The following CHST12 variants were observed in gnomAD, a reference collection of about 807,000 sequenced individuals.
CHST12 encodes carbohydrate (chondroitin 4) sulfotransferase 12.
In CHST12, 23 loss-of-function variants were observed where a neutral mutation model predicts 27.9. The ratio of observed to expected loss-of-function variants is 0.82; its 90% confidence interval spans 0.59 to 1.17. The LOEUF (loss-of-function observed/expected upper bound fraction) is 1.17. Among genes scored for constraint, CHST12 ranks in the 50% most tolerant of loss-of-function variants. The pLI is 0.00. For synonymous variants in CHST12, 322 were observed against 273.0 expected, an observed-to-expected ratio of 1.18 and a Z score of -1.77; for missense variants, 682 against 603.0, an observed-to-expected ratio of 1.13 and a Z score of -1.37.
rs1781556173 is a variant in CHST12 at position 2,407,560 on chromosome 7, G to GCT, written c.-78+3889_-78+3890dup. On this transcript the variant is annotated intron_variant, in intron 1 of 1. Transcript: ENST00000618655. ...AACCCAAACTTTCTGGGTTAAAGAG[G>GCT]CTCACCCAGTGGCCAGTACCACGGG... 3.3e-5 allele frequency among the ~76,000 whole-genome samples: 5 copies of GCT among 152,254 alleles called. No homozygotes were observed. In the South Asian group the frequency reaches 8.3e-4, roughly 25 times the overall value.
intron 1 of CHST12, among the ~76,000 whole-genome samples, chr7:2,421,098 C>A (rs184982790): frequency 8.5e-4 from 129 of 151,992 alleles, no homozygotes; most frequent in African/African-American, 2.6e-3. Flanking sequence ...CACTCTGTTC[C>A]CCAGGCTGGA....
intron 1 of CHST12, among the ~76,000 whole-genome samples, chr7:2,419,644 T>C (rs1035073863): frequency 2.7e-5 from 4 of 150,884 alleles, no homozygotes; most frequent in African/African-American, 9.8e-5. Context: ...GAAGCAGAGG[T>C]TGCAGTGAGC....
In CHST12 at chr7:2,433,615, T is replaced by C; in HGVS notation, c.976T>C (p.Tyr326His). Reference protein sequence around the residue: ...APFNEHWRQVYRLCHPCQIDY... With the variant: ...APFNEHWRQVHRLCHPCQIDY... The stretch of plus-strand genomic sequence containing the variant: ...CTTCAACGAGCACTGGCGGCAGGTG[T>C]ACCGCCTCTGCCACCCGTGCCAGAT... Residue 326 changes from tyrosine (Y) to histidine (H), a missense_variant, in exon 2 of 2, where the codon TAC becomes CAC. Transcript: ENST00000618655. The surrounding 1 kb of genome is among the most constrained non-coding windows in gnomAD (Gnocchi z 6.1). 6.2e-7 allele frequency: 1 copy of C among 1,613,320 alleles called. No homozygotes were observed. The highest frequency in any genetic ancestry group is 8.5e-7 in the Non-Finnish European group (1 of 1,179,956).
chr7:2,428,287 C>T (rs748500412), intron 1 of CHST12, among the ~76,000 whole-genome samples: 1 of 151,216 alleles, frequency 6.6e-6, no homozygotes, highest in African/African-American at 2.4e-5. Flanking sequence ...CTCTGCCTCT[C>T]GGGTTCAAGT....
At position 2,432,603 on chromosome 7, in the gene CHST12, G is replaced by A. The variant is rs1250155761; in HGVS notation, c.-37G>A. 1.9e-6 allele frequency: 3 copies of A among 1,574,100 alleles called. No homozygotes were observed. The highest frequency in any genetic ancestry group is 1.4e-5 in the African/African-American group (1 of 74,030). On this transcript the variant is annotated 5_prime_UTR_variant, in exon 2 of 2. The change abolishes the stop of an existing upstream ORF in the 5' untranslated region. Coordinates refer to ENST00000618655, the MANE Select transcript of CHST12 (RefSeq NM_018641.5). ...CCCCGGCTCTGCAGGAAGCTGAAGT[G>A]AGAGGCCCGGAGAGGGCCCAGCCCG...
chr7:2,415,282 C>G (rs1206876444), intron 1 of CHST12, among the ~76,000 whole-genome samples: 2 of 151,908 alleles, frequency 1.3e-5, no homozygotes, highest in Non-Finnish European at 2.9e-5. Flanking sequence ...AGGAGGATCA[C>G]CTGAACCCCA....
At chr7:2,425,939 A>G (rs891561253) in intron 1 of CHST12, among the ~76,000 whole-genome samples, 1 of 152,052 alleles carries the variant, frequency 6.6e-6, no homozygotes, top group Non-Finnish European at 1.5e-5. Context: ...GCCAGGGGTC[A>G]GGGGTTAGAC....
chr7:2,422,537 G>T (rs188240593), intron 1 of CHST12, among the ~76,000 whole-genome samples: 6 of 151,286 alleles, frequency 4.0e-5, no homozygotes, highest in African/African-American at 1.5e-4. Context: ...GAGCCACTGC[G>T]CCCTGCCTCT....
rs17151773 is a variant in CHST12, at chr7:2,434,252, T to G, written c.*368T>G. 1 of 189,814 alleles carries G rather than the reference T, an allele frequency of 5.3e-6. No individual in the cohort carries two copies. The highest frequency in any genetic ancestry group is 5.6e-5 in the Admixed American group (1 of 17,912). 11.8% of individuals were successfully genotyped at this position (189,814 alleles called of 1,614,324 possible). ...AGGAGGGCGGGGCCTGCACTTGAAG[T>G]CAGGCCGCACCTGTCTGTTTTTGGA... On this transcript the variant is annotated 3_prime_UTR_variant, in exon 2 of 2. Transcript: ENST00000618655.
rs1583228427 is a variant in CHST12, at chr7:2,433,712, T to G, written c.1073T>G (p.Val358Gly). ...DAAQLLQLLQ[V>G]DRQLRFPPSY... ...GCGCAGCTGCTGCAGCTACTCCAGG[T>G]GGACCGGCAGCTCCGCTTCCCCCCG... The change falls in exon 2 of 2, where the codon GTG (valine) becomes GGG (glycine). Residue 358 changes from valine to glycine, a missense_variant. Coordinates refer to ENST00000618655, the MANE Select transcript of CHST12 (RefSeq NM_018641.5). This position sits in a 1 kb window ranked among gnomAD's most constrained non-coding sequence, Gnocchi z 6.1. 1 of 1,613,630 alleles carries G rather than the reference T, an allele frequency of 6.2e-7. No individual in the cohort carries two copies. The highest frequency in any genetic ancestry group is 8.5e-7 in the Non-Finnish European group (1 of 1,179,918).
chr7:2,428,534 G>A (rs373719003), intron 1 of CHST12, among the ~76,000 whole-genome samples: 35 of 152,278 alleles, frequency 2.3e-4, no homozygotes, highest in African/African-American at 7.0e-4. Flanking sequence ...CTGCGATGCC[G>A]CCAATGCACT....
Position 2,434,126 on chromosome 7 carries a change from T to TCGCCGGCC in CHST12, c.*246_*247insGGCCCGCC, listed in dbSNP as rs1782403847. 3.1e-6 allele frequency: 1 copy of TCGCCGGCC among 318,056 alleles called. No individual in the cohort carries two copies. Among genetic ancestry groups the TCGCCGGCC allele is most frequent in the African/African-American group, 2.4e-5 (1 of 40,906 alleles). 19.7% of individuals were successfully genotyped at this position (318,056 alleles called of 1,614,324 possible). A position where few individuals can be genotyped will look rare whatever the true frequency, so the allele number is the denominator to read the frequency against. ...TCCGCCCGCCCACCCGCCCGCCCGC[T>TCGCCGGCC]CGCCCGCTCGCCCGCTCCTGTGGTT... On this transcript the variant is annotated 3_prime_UTR_variant, in exon 2 of 2. Coordinates refer to ENST00000618655, the MANE Select transcript of CHST12 (RefSeq NM_018641.5).
At chr7:2,420,735 T>C (rs1781951790) in intron 1 of CHST12, among the ~76,000 whole-genome samples, 1 of 152,154 alleles carries the variant, frequency 6.6e-6, no homozygotes, top group African/African-American at 2.4e-5. Flanking sequence ...CAGTGAGGTT[T>C]GATGGCACCA....
In CHST12 at chr7:2,433,306, T is replaced by A; in HGVS notation, c.667T>A (p.Tyr223Asn). The change falls in exon 2 of 2, where the codon TAC (tyrosine) becomes AAC (asparagine). Residue 223 changes from tyrosine to asparagine, a missense_variant. Coordinates refer to ENST00000618655, the MANE Select transcript of CHST12 (RefSeq NM_018641.5). This position sits in a 1 kb window ranked among gnomAD's most constrained non-coding sequence, Gnocchi z 6.1. Reference sequence around the variant, plus strand: ...GACCTTCAACAAGTTCTGGCGCCGCTACGGGAAGCTCTCCCGCCACCTCAT... The same window carrying A: ...GACCTTCAACAAGTTCTGGCGCCGCAACGGGAAGCTCTCCCGCCACCTCAT... Reference protein sequence around the residue: ...HLTFNKFWRRYGKLSRHLMKV... With the variant: ...HLTFNKFWRRNGKLSRHLMKV... 1 of 1,612,632 alleles carries A rather than the reference T, an allele frequency of 6.2e-7. No individual in the cohort carries two copies. Among genetic ancestry groups the A allele is most frequent in the Non-Finnish European group, 8.5e-7 (1 of 1,179,464 alleles).
At chr7:2,425,222 A>G (rs1583219778) in intron 1 of CHST12, among the ~76,000 whole-genome samples, 1 of 48,360 alleles carries the variant, frequency 2.1e-5, no homozygotes, top group East Asian at 1.4e-3. Context: ...AAAAAAAACA[A>G]CAAACAAAAA....
At chr7:2,419,632 G>A (rs1244739836) in intron 1 of CHST12, among the ~76,000 whole-genome samples, 3 of 151,310 alleles carry the variant, frequency 2.0e-5, no homozygotes, top group Non-Finnish European at 2.9e-5. Flanking sequence ...GCTTGAACCC[G>A]GGAAGCAGAG....
rs1431449304 is a variant in CHST12, at chr7:2,432,670, C to G, written c.31C>G (p.Leu11Val). MTKARLFRLW[L>V]VLGSVFMILL... ...CAAGGCCCGGCTGTTCCGGCTGTGG[C>G]TGGTGCTGGGGTCGGTGTTCATGAT... is the stretch of plus-strand genomic sequence containing the variant. The change falls in exon 2 of 2, where the codon CTG becomes GTG. Residue 11 changes from leucine to valine, a missense_variant. Physicochemically the swap from Leu to Val is conservative, Grantham distance 32. Coordinates refer to ENST00000618655, the MANE Select transcript of CHST12 (RefSeq NM_018641.5). The G allele has an allele frequency of 6.2e-7, 1 of 1,611,860 alleles. No individual in the cohort carries two copies. The highest frequency in any genetic ancestry group is 2.2e-5 in the East Asian group (1 of 44,822).
chr7:2,415,358 T>G (rs2115399295), intron 1 of CHST12, among the ~76,000 whole-genome samples: 1 of 144,610 alleles, frequency 6.9e-6, no homozygotes, highest in East Asian at 2.0e-4. Context: ...ACAGCGAAAC[T>G]CTGCCTCAAA....
intron 1 of CHST12, among the ~76,000 whole-genome samples, chr7:2,431,952 A>G (rs999004376): frequency 3.9e-5 from 6 of 152,042 alleles, no homozygotes; most frequent in African/African-American, 1.2e-4. Flanking sequence ...ATGATTTGCT[A>G]GAAAGATTAC....
Sources: gnomAD v4.1 joint callset for allele counts (sites outside exome capture counted in the v4.1 genomes callset) on GRCh38, gnomAD v4.1.1 for gene constraint, Gnocchi (gnomAD v3.1) non-coding constraint, MANE v1.5 for transcripts, NCBI Gene and HGNC (gene_info 2026-07-23, HGNC 2026-07-21) for gene names.